The following LIN54 variants were observed in gnomAD, a reference collection of about 807,000 sequenced individuals.
LIN54 encodes protein lin-54 homolog.
In LIN54, 9 loss-of-function variants were observed where a neutral mutation model predicts 78.7. That is an observed-to-expected ratio of 0.11 (90% CI 0.07 to 0.20). The LOEUF is 0.20. Ranked by LOEUF, LIN54 falls within the 10% of genes least tolerant of loss-of-function variation. The probability of loss-of-function intolerance (pLI) is 1.00; values close to 1 mark genes in which losing one functional copy is unlikely to be tolerated. For missense variants in LIN54, 573 were observed against 889.9 expected (o/e 0.64, Z 4.53); for synonymous variants, 269 against 318.4 (o/e 0.84, Z 1.65).
rs1376806902 is a variant in LIN54 at position 83,004,720 on chromosome 4, C to T, written c.-33+5764G>A. On this transcript the variant is annotated intron_variant, in intron 1 of 12. Coordinates refer to ENST00000340417, the MANE Select transcript of LIN54 (RefSeq NM_194282.4). The stretch of plus-strand genomic sequence containing the variant: ...TGCTACGTTGCCCAGGCTGGTCTTG[C>T]ACTCGTGGACTCAAGCTATCCTGCC... 2.0e-5 allele frequency among the ~76,000 whole-genome samples: 3 copies of T among 151,958 alleles called. No individual in the cohort carries two copies. The East Asian group carries it at 5.9e-4, about 30-fold the overall frequency.
chr4:82,998,616 AAGAGAAAGAAAC>A (rs1420616833), intron 1 of LIN54, among the ~76,000 whole-genome samples: 1 of 152,016 alleles, frequency 6.6e-6, no homozygotes, highest in Non-Finnish European at 1.5e-5. Context: ...AGAGAGAAAG[AAGAGAAAGAAAC>A]AGAGAAAGAA....
At chr4:82,955,972 A>T (rs1218759004) in intron 4 of LIN54, among the ~76,000 whole-genome samples, 1 of 152,078 alleles carries the variant, frequency 6.6e-6, no homozygotes, top group Non-Finnish European at 1.5e-5. Context: ...TATATTTGAA[A>T]TTTTTTTGAG....
intron 4 of LIN54, among the ~76,000 whole-genome samples, chr4:82,963,598 G>A (rs1459292350): frequency 4.6e-5 from 7 of 151,886 alleles, no homozygotes; most frequent in African/African-American, 1.7e-4. Context: ...TCTATTGTAA[G>A]TTTCTTACCC....
At chr4:82,968,550 G>A (rs150352514) in intron 4 of LIN54, among the ~76,000 whole-genome samples, 255 of 151,944 alleles carry the variant, frequency 1.7e-3, no homozygotes, top group African/African-American at 5.9e-3. Context: ...AGCTACTAGT[G>A]TAGTTCAAAC....
At chr4:82,930,540 C>G (rs11724740) in intron 12 of LIN54, among the ~76,000 whole-genome samples, 40,741 of 152,020 alleles carry the variant, frequency 0.27, 5,814 homozygotes, top group East Asian at 0.52. Context: ...CGGAGCTGCA[C>G]TATTACAGTG....
chr4:82,974,438 CA>C (rs201380390), intron 3 of LIN54, among the ~76,000 whole-genome samples: 2 of 150,198 alleles, frequency 1.3e-5, no homozygotes, highest in East Asian at 2.0e-4. Flanking sequence ...ATAAGCCAAT[CA>C]AAAAAAAAGG....
intron 1 of LIN54, among the ~76,000 whole-genome samples, chr4:83,005,784 C>T (rs542728883): frequency 3.6e-4 from 55 of 152,244 alleles, no homozygotes; most frequent in African/African-American, 1.3e-3. Flanking sequence ...TTACTGGGTA[C>T]ATATCTAAAA....
At chr4:82,935,852 T>A in intron 11 of LIN54, 129 bp downstream of exon 11, 1 of 902,116 alleles carries the variant, frequency 1.1e-6, no homozygotes, top group South Asian at 1.5e-5. Context: ...ACAAGGGCCT[T>A]TGCACCAACT....
chr4:82,986,629 G>T lies in LIN54; in HGVS notation c.-32-1753C>A, dbSNP rs1201592317. On this transcript the variant is annotated intron_variant, in intron 1 of 12. Transcript: ENST00000340417. ...TGAGGCAGAAGAATCACTTGAACCT[G>T]GGAGGCAGAGGTTGCAATGAGCCGA... 2.0e-5 allele frequency among the ~76,000 whole-genome samples: 3 copies of T among 149,986 alleles called. No homozygotes were observed. In the East Asian group the frequency reaches 6.0e-4, roughly 30 times the overall value.
chr4:82,962,982 G>A (rs1402742887), intron 4 of LIN54, among the ~76,000 whole-genome samples: 5 of 151,636 alleles, frequency 3.3e-5, no homozygotes, highest in Admixed American at 2.6e-4. Context: ...GATCCAAGAA[G>A]ATTTCAAATC....
Position 82,926,420 on chromosome 4 carries a change from A to G in LIN54, c.*1682T>C, listed in dbSNP as rs1447676843. 2 of 152,582 alleles carry G rather than the reference A, an allele frequency of 1.3e-5. No individual in the cohort carries two copies. Among genetic ancestry groups the G allele is most frequent in the Non-Finnish European group, 1.5e-5 (1 of 68,020 alleles). The allele number at this position is 152,582 out of a possible 1,614,324, so 9.5% of individuals were successfully genotyped here. On this transcript the variant is annotated 3_prime_UTR_variant, in exon 13 of 13. Transcript: ENST00000340417. The stretch of plus-strand genomic sequence containing the variant: ...ATTTAAAAGGAAGATACTTTAGTGA[A>G]TAACGGAATCCTCTTTTGGATTACT...
intron 2 of LIN54, among the ~76,000 whole-genome samples, chr4:82,983,926 A>G (rs1726898489): frequency 6.6e-6 from 1 of 152,240 alleles, no homozygotes; most frequent in Non-Finnish European, 1.5e-5. Flanking sequence ...AAGGCTATAA[A>G]TATACTAATT....
In LIN54 at chr4:82,970,408, A is replaced by G. The variant is rs777743758; in HGVS notation, c.870T>C (p.Ser290=). 3.7e-6 allele frequency: 6 copies of G among 1,613,252 alleles called. No individual in the cohort carries two copies. The highest frequency in any genetic ancestry group is 3.3e-5 in the Admixed American group (2 of 59,946). The change falls in exon 4 of 13, where the codon AGT becomes AGC. Residue 290 remains serine, a synonymous_variant. Transcript: ENST00000340417. ...TPSKTITISE[S]GVIGSTLNST... ...AATTTAAAGTTGATCCAATAACACC[A>G]CTTTCAGATATTGTTATGGTCTTTG...
At chr4:82,974,098 T>A (rs1725926619) in intron 3 of LIN54, among the ~76,000 whole-genome samples, 1 of 151,904 alleles carries the variant, frequency 6.6e-6, no homozygotes, top group Admixed American at 6.6e-5. Flanking sequence ...TAGTCCCAGC[T>A]ACTTGGGAGG....
chr4:82,949,158 C>T (rs373141854), intron 4 of LIN54, among the ~76,000 whole-genome samples: 23 of 152,302 alleles, frequency 1.5e-4, no homozygotes, highest in Admixed American at 9.8e-4. Context: ...CCGTTTTCTG[C>T]ACATCCTCAC....
chr4:82,999,775 C>T (rs1483762998), intron 1 of LIN54, among the ~76,000 whole-genome samples: 1 of 4,888 alleles, frequency 2.0e-4, no homozygotes, highest in Admixed American at 3.6e-3. Flanking sequence ...GAGACTCTGT[C>T]TCAAAAAAAA....
At chr4:83,002,083 G>A (rs1728893137) in intron 1 of LIN54, among the ~76,000 whole-genome samples, 1 of 151,176 alleles carries the variant, frequency 6.6e-6, no homozygotes, top group South Asian at 2.1e-4. Flanking sequence ...GCCAGACAAT[G>A]AGAAAGAAGA....
intron 4 of LIN54, among the ~76,000 whole-genome samples, chr4:82,952,272 A>G (rs1285222756): frequency 2.0e-5 from 3 of 152,212 alleles, no homozygotes; most frequent in East Asian, 1.9e-4. Context: ...CCTAAACGTA[A>G]TAACAAAAAT....
At chr4:82,979,124 A>G in intron 2 of LIN54, 118 bp from the exon 3 acceptor site, 1 of 614,004 alleles carries the variant, frequency 1.6e-6, no homozygotes, top group Admixed American at 2.7e-5. Context: ...TTAACAGAAT[A>G]TATCTGTGTG....
Sources: gnomAD v4.1 joint callset for allele counts (sites outside exome capture counted in the v4.1 genomes callset) on GRCh38, gnomAD v4.1.1 for gene constraint, MANE v1.5 for transcripts, NCBI Gene and HGNC (gene_info 2026-07-23, HGNC 2026-07-21) for gene names.